PKHD1: variants seen among roughly 807,000 people sequenced by gnomAD.
PKHD1 encodes fibrocystin.
A neutral mutation model predicts 412.0 loss-of-function variants in PKHD1; 291 were observed. The observed-to-expected ratio is 0.71, with a 90% CI of 0.64 to 0.78. PKHD1 has a LOEUF of 0.78. Among genes scored for constraint, PKHD1 ranks in the 30% least tolerant of loss-of-function variants. PKHD1 has a pLI of 0.00. For missense variants in PKHD1, 4,825 were observed against 4,950.7 expected, an observed-to-expected ratio of 0.97 and a Z score of 0.76; for synonymous variants, 1,777 against 1,821.5, an observed-to-expected ratio of 0.98 and a Z score of 0.62.
rs1491172795 is a variant in PKHD1 at position 51,758,053 on chromosome 6, A to AG, written c.8643-3116_8643-3115insC. Among the ~76,000 whole-genome samples, 334 of 148,488 alleles carry AG rather than the reference A, an allele frequency of 2.2e-3. 1 individual carries two copies. The highest frequency in any genetic ancestry group is 7.7e-3 in the African/African-American group (312 of 40,528). On this transcript the variant is annotated intron_variant, in intron 55 of 66. Transcript: ENST00000371117. The stretch of plus-strand genomic sequence containing the variant: ...GAGAGAGAGAGAGAGAGAGAGAGAG[A>AG]AAACAAAGCAAACAGGAAAAAAATC...
chr6:51,695,671 T>A (rs555895193), intron 60 of PKHD1, among the ~76,000 whole-genome samples: 1 of 152,186 alleles, frequency 6.6e-6, no homozygotes, highest in Non-Finnish European at 1.5e-5. Context: ...TTATAGGTTA[T>A]GAAAATGATG....
intron 53 of PKHD1, among the ~76,000 whole-genome samples, chr6:51,780,614 T>TA (rs1791834171): frequency 6.6e-6 from 1 of 152,074 alleles, no homozygotes; most frequent in Non-Finnish European, 1.5e-5. Context: ...AATCATATCA[T>TA]AAAAAAGAAA....
At chr6:51,971,175 T>C (rs926489996) in intron 35 of PKHD1, among the ~76,000 whole-genome samples, 6 of 152,224 alleles carry the variant, frequency 3.9e-5, no homozygotes, top group African/African-American at 1.4e-4. Context: ...TGGTTTTGCA[T>C]GTGCCCAGAC....
intron 60 of PKHD1, among the ~76,000 whole-genome samples, chr6:51,679,276 A>G (rs999766307): frequency 2.0e-5 from 3 of 152,086 alleles, no homozygotes; most frequent in Non-Finnish European, 2.9e-5. Context: ...GACAGCAAAC[A>G]TCATAACAGT....
At chr6:51,694,547 C>CG (rs1562116019) in intron 60 of PKHD1, among the ~76,000 whole-genome samples, 1 of 55,466 alleles carries the variant, frequency 1.8e-5, no homozygotes, top group African/African-American at 6.5e-5. Flanking sequence ...CCACAACCAG[C>CG]CTTTTTTTTT....
Position 52,066,059 on chromosome 6 carries a change from G to T in PKHD1, c.797C>A (p.Pro266Gln). The T allele has an allele frequency of 6.4e-7, 1 of 1,566,514 alleles. No homozygotes were observed. The highest frequency in any genetic ancestry group is 8.8e-7 in the Non-Finnish European group (1 of 1,139,674). The change falls in exon 12 of 67, where the codon CCA (proline) becomes CAA (glutamine). Residue 266 changes from proline to glutamine, a missense_variant. Coordinates refer to ENST00000371117, the MANE Select transcript of PKHD1 (RefSeq NM_138694.4). ...TCTTCCCCCAAGGCTCCCAGTTTCTGGAAACACAGATAATATTTCTGCAAG... is the reference window on the plus strand; with the variant it reads ...TCTTCCCCCAAGGCTCCCAGTTTCTTGAAACACAGATAATATTTCTGCAAG... ...QTHSEILSVF[P>Q]ETGSLGGRTN...
intron 60 of PKHD1, among the ~76,000 whole-genome samples, chr6:51,727,384 C>T (rs1215595909): frequency 6.6e-6 from 1 of 152,226 alleles, no homozygotes; most frequent in South Asian, 2.1e-4. Context: ...GAGACCGAGA[C>T]AAGTTTCAGA....
Position 51,933,984 on chromosome 6 carries a change from T to C in PKHD1, c.6121+126A>G, listed in dbSNP as rs9474116. 6.9e-6 allele frequency: 5 copies of C among 729,772 alleles called. No individual in the cohort carries two copies. The African/African-American group carries it at 6.9e-5, about 10-fold the overall frequency. The allele number at this position is 729,772 out of a possible 1,614,324, so 45.2% of individuals were successfully genotyped here. On this transcript the variant is annotated intron_variant, in intron 37 of 66. Transcript: ENST00000371117. ...CAGTTTTACTTGTTATTTAAGGAAA[T>C]AGTGCCATGCTCTAACTGACCTGGT...
chr6:51,821,272 C>G (rs1050380229), intron 52 of PKHD1, among the ~76,000 whole-genome samples: 7 of 152,146 alleles, frequency 4.6e-5, no homozygotes, highest in African/African-American at 1.7e-4. Context: ...GGGGTTGGCA[C>G]AAACTTTAAT....
intron 32 of PKHD1, among the ~76,000 whole-genome samples, chr6:52,023,995 T>C (rs1194345651): frequency 6.6e-6 from 1 of 152,236 alleles, no homozygotes; most frequent in African/African-American, 2.4e-5. Flanking sequence ...AAATTTGAAC[T>C]ATCTCAAGTG....
At chr6:51,855,119 G>T (rs1288876354) in intron 49 of PKHD1, among the ~76,000 whole-genome samples, 1 of 152,186 alleles carries the variant, frequency 6.6e-6, no homozygotes, top group Non-Finnish European at 1.5e-5. Flanking sequence ...CCCCGGCTGG[G>T]TAGCGGCTCA....
Position 51,659,979 on chromosome 6 carries a change from A to T in PKHD1, c.10157-10T>A, listed in dbSNP as rs1003864989. 6.6e-7 allele frequency: 1 copy of T among 1,520,774 alleles called. No homozygotes were observed. The highest frequency in any genetic ancestry group is 1.4e-5 in the African/African-American group (1 of 72,940). 94.2% of individuals were successfully genotyped at this position (1,520,774 alleles called of 1,614,324 possible). A position where few individuals can be genotyped will look rare whatever the true frequency, so the allele number is the denominator to read the frequency against. ...TCTTCTCTAAATGTACCTATAAAAGAAAAGAAGCAAAACAAGTGATATATG... is the reference window on the plus strand; with the variant it reads ...TCTTCTCTAAATGTACCTATAAAAGTAAAGAAGCAAAACAAGTGATATATG... On this transcript the variant is annotated splice_polypyrimidine_tract_variant and intron_variant, in intron 60 of 66. Transcript: ENST00000371117.
At chr6:51,722,209 C>T (rs2150832381) in intron 60 of PKHD1, among the ~76,000 whole-genome samples, 1 of 152,258 alleles carries the variant, frequency 6.6e-6, no homozygotes, top group South Asian at 2.1e-4. Context: ...CTGCCAAAAT[C>T]CCACTAACTT....
chr6:51,817,402 T>C lies in PKHD1; in HGVS notation c.8302+13459A>G, dbSNP rs1005379743. Among the ~76,000 whole-genome samples the C allele has an allele frequency of 2.0e-5, 3 of 152,152 alleles. No individual in the cohort carries two copies. In the East Asian group the frequency reaches 5.8e-4, roughly 29 times the overall value. On this transcript the variant is annotated intron_variant, in intron 52 of 66. Coordinates refer to ENST00000371117, the MANE Select transcript of PKHD1 (RefSeq NM_138694.4). ...CTCAACCTATGGGAGGAAACTCTGC[T>C]GTAGACACCCATCCCCCTAGATTTC...
chr6:51,824,954 C>T (rs1582896443), intron 52 of PKHD1, among the ~76,000 whole-genome samples: 1 of 152,096 alleles, frequency 6.6e-6, no homozygotes, highest in South Asian at 2.1e-4. Flanking sequence ...GTGTAATTAA[C>T]ACTAAGCATT....
Position 51,617,474 on chromosome 6 carries a change from C to A in PKHD1, c.*1607G>T, listed in dbSNP as rs1186795144. The A allele has an allele frequency of 1.3e-5, 2 of 152,120 alleles. No homozygotes were observed. Among genetic ancestry groups the A allele is most frequent in the African/African-American group, 4.8e-5 (2 of 41,418 alleles). 9.4% of individuals were successfully genotyped at this position (152,120 alleles called of 1,614,324 possible). On this transcript the variant is annotated 3_prime_UTR_variant, in exon 67 of 67. Transcript: ENST00000371117. ...TCAGCATGGCAGCCAGCTTGTGCCT[C>A]CAGAGTAAACGTCTATAAACCAACT...
chr6:51,783,370 A>T (rs902047451), intron 53 of PKHD1, among the ~76,000 whole-genome samples: 11 of 56,002 alleles, frequency 2.0e-4, no homozygotes, highest in African/African-American at 5.1e-4. Flanking sequence ...AATTATATAA[A>T]TTTATTATTT....
intron 49 of PKHD1, among the ~76,000 whole-genome samples, 192 bp from the exon 50 acceptor site, chr6:51,848,162 T>A (rs1044017414): frequency 1.3e-5 from 2 of 152,140 alleles, no homozygotes; most frequent in African/African-American, 4.8e-5. Flanking sequence ...TCATAAAAAA[T>A]TCATAACTAG....
At chr6:51,955,207 TA>T (rs201790565) in intron 36 of PKHD1, among the ~76,000 whole-genome samples, 6 of 144,570 alleles carry the variant, frequency 4.2e-5, no homozygotes, top group South Asian at 2.2e-4. Flanking sequence ...ATTTTTTTTT[TA>T]AAAAAGGGAG....
Sources: gnomAD v4.1 joint callset for allele counts (sites outside exome capture counted in the v4.1 genomes callset) on GRCh38, gnomAD v4.1.1 for gene constraint, MANE v1.5 for transcripts, NCBI Gene and HGNC (gene_info 2026-07-23, HGNC 2026-07-21) for gene names.